Variants in RBFOX1 observed in about 807,000 individuals in gnomAD.
RBFOX1 encodes the protein RNA binding fox-1 homolog 1.
In RBFOX1, 8 loss-of-function variants were observed where a neutral mutation model predicts 57.7. That is an observed-to-expected ratio of 0.14 (90% CI 0.08 to 0.25). RBFOX1 has a LOEUF of 0.25. Ranked by LOEUF, RBFOX1 falls within the 10% of genes least tolerant of loss-of-function variation. The pLI is 1.00. For missense variants in RBFOX1, 611 were observed against 548.5 expected (o/e 1.11, Z -1.14); for synonymous variants, 326 against 222.4 (o/e 1.47, Z -4.15).
intron 1 of RBFOX1, among the ~76,000 whole-genome samples, chr16:6,031,834 C>T (rs1020469366): frequency 6.6e-6 from 1 of 152,146 alleles, no homozygotes; most frequent in Non-Finnish European, 1.5e-5. Flanking sequence ...CTGGACTGAT[C>T]CCTTTCTGTT....
chr16:6,604,452 C>T (rs1388646863), intron 2 of RBFOX1, among the ~76,000 whole-genome samples: 5 of 151,958 alleles, frequency 3.3e-5, no homozygotes, highest in Admixed American at 6.6e-5. Context: ...GCTGTGCATT[C>T]TTGTTATATA....
intron 1 of RBFOX1, among the ~76,000 whole-genome samples, chr16:6,106,473 A>T (rs2096380629): frequency 7.1e-6 from 1 of 140,066 alleles, no homozygotes; most frequent in African/African-American, 2.8e-5. Context: ...TCTCAAAAAT[A>T]AAAAAAAAAA....
chr16:6,548,525 A>G (rs994322615), intron 2 of RBFOX1, among the ~76,000 whole-genome samples: 3 of 152,212 alleles, frequency 2.0e-5, no homozygotes, highest in African/African-American at 7.2e-5. Flanking sequence ...GTGAAAAAAG[A>G]AATTTTTTTA....
At chr16:5,737,953 C>T (rs1219222091) in intron 3 of RBFOX1, among the ~76,000 whole-genome samples, 2 of 152,070 alleles carry the variant, frequency 1.3e-5, no homozygotes, top group Admixed American at 6.5e-5. Flanking sequence ...GCTGGCTGCA[C>T]CCGCCAACCT....
At chr16:6,071,889 A>G (rs916942980) in intron 1 of RBFOX1, among the ~76,000 whole-genome samples, 1 of 152,228 alleles carries the variant, frequency 6.6e-6, no homozygotes, top group Non-Finnish European at 1.5e-5. Flanking sequence ...CTCCAGGTTC[A>G]TAAATGTACA....
At chr16:7,294,831 A>G (rs924581526) in intron 4 of RBFOX1, among the ~76,000 whole-genome samples, 2 of 152,132 alleles carry the variant, frequency 1.3e-5, no homozygotes, top group African/African-American at 2.4e-5. Context: ...CAGCATCTCT[A>G]CTGCTGTTTG....
chr16:6,902,970 T>G (rs1010113949), intron 3 of RBFOX1, among the ~76,000 whole-genome samples: 1 of 152,136 alleles, frequency 6.6e-6, no homozygotes, highest in Non-Finnish European at 1.5e-5. Flanking sequence ...AAGATGGACA[T>G]AAACAAAATA....
intron 4 of RBFOX1, among the ~76,000 whole-genome samples, chr16:5,939,659 A>G (rs8051548): frequency 0.3 from 44,977 of 152,044 alleles, 6,811 homozygotes; most frequent in Admixed American, 0.36. Context: ...GAGAGTCACT[A>G]AAGTCCAGCC....
At chr16:6,409,565 A>G (rs1450290151) in intron 2 of RBFOX1, among the ~76,000 whole-genome samples, 1 of 152,138 alleles carries the variant, frequency 6.6e-6, no homozygotes, top group East Asian at 1.9e-4. Context: ...CTCCATGAAA[A>G]GTTGTGGGAT....
chr16:5,556,451 G>C (rs2045680255), intron 2 of RBFOX1, among the ~76,000 whole-genome samples: 1 of 152,186 alleles, frequency 6.6e-6, no homozygotes, highest in Admixed American at 6.5e-5. Context: ...TTTGACATTA[G>C]TTCAGAGAAT....
rs190963009 is a variant in RBFOX1 at position 6,703,596 on chromosome 16, A to G, written c.-16+48946A>G. On this transcript the variant is annotated intron_variant, in intron 3 of 15. Coordinates refer to ENST00000550418, the MANE Select transcript of RBFOX1 (RefSeq NM_018723.4). ...GTGGTGTTGCACACCTGTAGTTCTGACTTGGGAGGCTGAGGTGGGAGGATC... is the reference window on the plus strand; with the variant it reads ...GTGGTGTTGCACACCTGTAGTTCTGGCTTGGGAGGCTGAGGTGGGAGGATC... 2.5e-3 allele frequency among the ~76,000 whole-genome samples: 387 copies of G among 152,018 alleles called. 1 individual carries two copies. The highest frequency in any genetic ancestry group is 7.7e-3 in the Admixed American group (118 of 15,260).
In RBFOX1 at chr16:6,994,108, T is replaced by A. The variant is rs550783582; in HGVS notation, c.-15-57949T>A. On this transcript the variant is annotated intron_variant, in intron 3 of 15. Transcript: ENST00000550418. ...GTTGCTGACATCTGTTGAAATGATA[T>A]CTGCCCGTGATGAGGGGAGTTTGGG... 5.3e-5 allele frequency among the ~76,000 whole-genome samples: 8 copies of A among 152,252 alleles called. No homozygotes were observed. The East Asian group carries it at 1.4e-3, about 26-fold the overall frequency.
intron 4 of RBFOX1, among the ~76,000 whole-genome samples, chr16:7,455,343 A>G (rs2058282706): frequency 6.6e-6 from 1 of 152,156 alleles, no homozygotes; most frequent in Non-Finnish European, 1.5e-5. Context: ...TCCTTGTGGA[A>G]TGCATGTGCA....
intron 1 of RBFOX1, among the ~76,000 whole-genome samples, chr16:5,332,129 C>G (rs1057051845): frequency 6.6e-6 from 1 of 152,192 alleles, no homozygotes; most frequent in African/African-American, 2.4e-5. Context: ...CAAATCTTCT[C>G]TACCTTTCTC....
intron 1 of RBFOX1, among the ~76,000 whole-genome samples, chr16:6,224,464 G>A (rs1336244126): frequency 6.6e-6 from 1 of 152,096 alleles, no homozygotes; most frequent in Non-Finnish European, 1.5e-5. Flanking sequence ...TTCTTAGGCA[G>A]TGCTGATGTT....
intron 4 of RBFOX1, among the ~76,000 whole-genome samples, chr16:7,148,315 T>C (rs1026363415): frequency 6.6e-6 from 1 of 152,228 alleles, no homozygotes; most frequent in Admixed American, 6.5e-5. Context: ...CAATGTTGTT[T>C]ATAAGGAAAC....
At chr16:5,935,579 T>C (rs2059152213) in intron 4 of RBFOX1, among the ~76,000 whole-genome samples, 1 of 152,108 alleles carries the variant, frequency 6.6e-6, no homozygotes, top group Non-Finnish European at 1.5e-5. Context: ...GGGATCTGGG[T>C]TCTGGACTGG....
chr16:6,003,820 G>T (rs374303094), intron 4 of RBFOX1, among the ~76,000 whole-genome samples: 6 of 152,288 alleles, frequency 3.9e-5, no homozygotes, highest in African/African-American at 1.2e-4. Flanking sequence ...AGGAGGGTCT[G>T]TGCCCCCCAA....
At chr16:6,833,321 A>G (rs376463835) in intron 3 of RBFOX1, among the ~76,000 whole-genome samples, 33 of 151,306 alleles carry the variant, frequency 2.2e-4, no homozygotes, top group African/African-American at 7.8e-4. Flanking sequence ...TCCCAACACC[A>G]TGCCTGGCTA....
Sources: gnomAD v4.1 joint callset for allele counts (sites outside exome capture counted in the v4.1 genomes callset) on GRCh38, gnomAD v4.1.1 for gene constraint, MANE v1.5 for transcripts, NCBI Gene and HGNC (gene_info 2026-07-23, HGNC 2026-07-21) for gene names.